The following PTPRD variants were observed in gnomAD, a reference collection of about 807,000 sequenced individuals.
PTPRD encodes protein tyrosine phosphatase receptor type D, also known as receptor-type tyrosine-protein phosphatase delta.
Under a neutral mutation model 214.5 loss-of-function variants are expected in PTPRD, and 34 were observed. The observed-to-expected ratio is 0.16, with a 90% CI of 0.12 to 0.21. PTPRD has a LOEUF of 0.21. Ranked by LOEUF, PTPRD falls within the 10% of genes least tolerant of loss-of-function variation. The pLI is 1.00. For synonymous variants in PTPRD, 1,128 were observed against 845.7 expected, an observed-to-expected ratio of 1.33 and a Z score of -5.79; for missense variants, 2,545 against 2,398.7, an observed-to-expected ratio of 1.06 and a Z score of -1.27.
chr9:9,936,425 G>A (rs1250917228), intron 5 of PTPRD, among the ~76,000 whole-genome samples: 1 of 151,752 alleles, frequency 6.6e-6, no homozygotes, highest in East Asian at 1.9e-4. Context: ...GACATGAACA[G>A]ACACTTCTCA....
At chr9:8,539,432 G>T (rs963106801) in intron 14 of PTPRD, among the ~76,000 whole-genome samples, 2 of 151,576 alleles carry the variant, frequency 1.3e-5, no homozygotes, top group South Asian at 4.2e-4. Flanking sequence ...TTCTAAGCAC[G>T]GTAGTAGTCC....
At chr9:10,337,052 A>T (rs956002141) in intron 3 of PTPRD, among the ~76,000 whole-genome samples, 3 of 151,748 alleles carry the variant, frequency 2.0e-5, no homozygotes, top group Non-Finnish European at 2.9e-5. Flanking sequence ...AAATACTGGC[A>T]TCTACACAAC....
At chr9:9,119,879 A>C (rs1192153308) in intron 10 of PTPRD, among the ~76,000 whole-genome samples, 1 of 151,814 alleles carries the variant, frequency 6.6e-6, no homozygotes, top group Non-Finnish European at 1.5e-5. Context: ...CTACACATGA[A>C]AGTGTATTGT....
At chr9:10,113,975 T>G (rs2098711320) in intron 3 of PTPRD, among the ~76,000 whole-genome samples, 1 of 152,160 alleles carries the variant, frequency 6.6e-6, no homozygotes. Context: ...AATTCCAGTG[T>G]CTACTCTTAT....
intron 7 of PTPRD, among the ~76,000 whole-genome samples, chr9:9,664,858 C>T (rs989867365): frequency 5.3e-5 from 8 of 151,654 alleles, no homozygotes; most frequent in Non-Finnish European, 1.0e-4. Context: ...TAACCTTTAG[C>T]TTCCTGAAAC....
intron 2 of PTPRD, among the ~76,000 whole-genome samples, chr9:10,521,601 C>A (rs2052310249): frequency 6.6e-6 from 1 of 152,100 alleles, no homozygotes; most frequent in Non-Finnish European, 1.5e-5. Context: ...TCGTGAAAAT[C>A]TGAGACAATC....
chr9:9,609,516 G>A (rs780855063), intron 7 of PTPRD, among the ~76,000 whole-genome samples: 12 of 152,186 alleles, frequency 7.9e-5, no homozygotes, highest in Non-Finnish European at 1.6e-4. Context: ...AGGGTAGAGT[G>A]CAGTGGTGCA....
At chr9:8,898,233 C>T (rs1643788145) in intron 11 of PTPRD, among the ~76,000 whole-genome samples, 1 of 151,504 alleles carries the variant, frequency 6.6e-6, no homozygotes, top group African/African-American at 2.4e-5. Flanking sequence ...CTCTCAGTGG[C>T]ATTATCAACT....
At chr9:9,271,494 A>G (rs1320584928) in intron 9 of PTPRD, among the ~76,000 whole-genome samples, 1 of 151,350 alleles carries the variant, frequency 6.6e-6, no homozygotes, top group Non-Finnish European at 1.5e-5. Context: ...AGCAAGTGGT[A>G]AAAAATCCAT....
intron 7 of PTPRD, among the ~76,000 whole-genome samples, chr9:9,619,735 T>A (rs1165820770): frequency 3.4e-5 from 5 of 146,114 alleles, no homozygotes; most frequent in Non-Finnish European, 7.5e-5. Context: ...GTGTATTTAA[T>A]TTTCTATAGA....
At chr9:10,070,567 T>A (rs1030145906) in intron 3 of PTPRD, among the ~76,000 whole-genome samples, 5 of 152,004 alleles carry the variant, frequency 3.3e-5, no homozygotes, top group African/African-American at 1.2e-4. Flanking sequence ...ACATTATATT[T>A]GAATAAAATT....
intron 7 of PTPRD, among the ~76,000 whole-genome samples, chr9:9,727,262 C>T (rs939811321): frequency 6.6e-6 from 1 of 151,938 alleles, no homozygotes; most frequent in Non-Finnish European, 1.5e-5. Context: ...CCAGCTTGGG[C>T]AACATACTGA....
chr9:8,993,504 A>G (rs2154349501), intron 11 of PTPRD, among the ~76,000 whole-genome samples: 1 of 152,194 alleles, frequency 6.6e-6, no homozygotes. Context: ...TTGTCTGTCT[A>G]TAATGTATGT....
chr9:8,487,903 T>G (rs1053163135), intron 27 of PTPRD, among the ~76,000 whole-genome samples: 4 of 151,384 alleles, frequency 2.6e-5, no homozygotes, highest in Non-Finnish European at 5.9e-5. Context: ...GTGTCACATG[T>G]CTGTAGTCTT....
intron 2 of PTPRD, among the ~76,000 whole-genome samples, chr9:10,450,217 A>G (rs2098831211): frequency 6.6e-6 from 1 of 151,834 alleles, no homozygotes; most frequent in Non-Finnish European, 1.5e-5. Flanking sequence ...CCTCTCCAAG[A>G]AACACCCAAG....
chr9:10,113,724 A>G (rs1173352214), intron 3 of PTPRD, among the ~76,000 whole-genome samples: 1 of 152,198 alleles, frequency 6.6e-6, no homozygotes, highest in Non-Finnish European at 1.5e-5. Flanking sequence ...AATCTTTAAG[A>G]CAATGCTTCG....
chr9:10,251,415 T>A (rs2092754841), intron 3 of PTPRD, among the ~76,000 whole-genome samples: 1 of 152,106 alleles, frequency 6.6e-6, no homozygotes, highest in Admixed American at 6.5e-5. Flanking sequence ...TTTTTTTAAT[T>A]TTTTTCCTAG....
At chr9:8,338,153 T>C (rs1848815750) in intron 43 of PTPRD, among the ~76,000 whole-genome samples, 1 of 152,090 alleles carries the variant, frequency 6.6e-6, no homozygotes, top group Admixed American at 6.6e-5. Context: ...CCCTGGAGTT[T>C]TATTCAACCC....
chr9:9,793,110 CTATT>C (rs1282062437), intron 5 of PTPRD, among the ~76,000 whole-genome samples: 1 of 152,018 alleles, frequency 6.6e-6, no homozygotes, highest in Admixed American at 6.6e-5. Flanking sequence ...TGGTTGATTA[CTATT>C]TGTTTACTAA....
Sources: gnomAD v4.1 joint callset for allele counts (sites outside exome capture counted in the v4.1 genomes callset) on GRCh38, gnomAD v4.1.1 for gene constraint, MANE v1.5 for transcripts, NCBI Gene and HGNC (gene_info 2026-07-23, HGNC 2026-07-21) for gene names.